EXTL3: variants seen among roughly 807,000 people sequenced by gnomAD.
The protein encoded by EXTL3 is exostosin-like 3.
A neutral mutation model predicts 69.3 loss-of-function variants in EXTL3; 27 were observed. That is an observed-to-expected ratio of 0.39 (90% confidence interval 0.29 to 0.54). The LOEUF (loss-of-function observed/expected upper bound fraction) is 0.54, where lower values mean the gene tolerates loss of function less well. EXTL3 is among the 20% of genes least tolerant of loss of function. The pLI, the probability that EXTL3 is intolerant of heterozygous loss-of-function variation, is 0.69. For synonymous variants in EXTL3, 511 were observed against 499.4 expected, an observed-to-expected ratio of 1.02 and a Z score of -0.31; for missense variants, 1,003 against 1,231.8, an observed-to-expected ratio of 0.81 and a Z score of 2.78.
chr8:28,748,939 G>A (rs1357441042), intron 6 of EXTL3, among the ~76,000 whole-genome samples: 1 of 151,888 alleles, frequency 6.6e-6, no homozygotes, highest in African/African-American at 2.4e-5. Flanking sequence ...GGAGTCCCCA[G>A]GGAAAAAACA....
intron 1 of EXTL3, chr8:28,637,362 C>A (rs916936102): frequency 1.3e-5 from 2 of 152,274 alleles, no homozygotes; most frequent in Admixed American, 1.3e-4. Flanking sequence ...AGCAAAGAGC[C>A]AGCCCGCTAC....
chr8:28,610,215 ATGTGTG>A (rs367793242), intron 2 of EXTL3, among the ~76,000 whole-genome samples: 8 of 149,330 alleles, frequency 5.4e-5, no homozygotes, highest in South Asian at 2.1e-4. Flanking sequence ...AAATATGTAT[ATGTGTG>A]TGTGTGTGTG....
chr8:28,645,557 G>A (rs531174156), intron 1 of EXTL3, among the ~76,000 whole-genome samples: 1 of 152,294 alleles, frequency 6.6e-6, no homozygotes, highest in Non-Finnish European at 1.5e-5. Flanking sequence ...GGATGGTCAC[G>A]AAGAATGTAT....
intron 1 of EXTL3, among the ~76,000 whole-genome samples, chr8:28,707,016 A>G (rs1800937849): frequency 6.6e-6 from 1 of 152,160 alleles, no homozygotes; most frequent in Admixed American, 6.5e-5. Context: ...TAACTCTTGA[A>G]TCCACCTGGA....
upstream of EXTL3, among the ~76,000 whole-genome samples, chr8:28,619,401 C>A (rs1806377117): frequency 6.7e-6 from 1 of 149,478 alleles, no homozygotes; most frequent in Non-Finnish European, 1.5e-5. Flanking sequence ...AGGGTGTTTT[C>A]CTCCCGCCTG....
chr8:28,715,952 A>G lies in EXTL3; in HGVS notation c.-108A>G. 1 of 887,132 alleles carries G rather than the reference A, an allele frequency of 1.1e-6. No individual in the cohort carries two copies. Among genetic ancestry groups the G allele is most frequent in the Non-Finnish European group, 1.8e-6 (1 of 569,476 alleles). The allele number at this position is 887,132 out of a possible 1,614,324, so 55.0% of individuals were successfully genotyped here. A position where few individuals can be genotyped will look rare whatever the true frequency, so the allele number is the denominator to read the frequency against. ...TGGTGCCTTGTCTGGGGAGCACACT[A>G]ACTCTTCTGGAAACGTGTCAGTGAA... On this transcript the variant is annotated 5_prime_UTR_variant, in exon 3 of 7. Transcript: ENST00000220562.
chr8:28,620,320 C>CATG (rs1418425426), upstream of EXTL3, among the ~76,000 whole-genome samples: 1 of 152,172 alleles, frequency 6.6e-6, no homozygotes, highest in Non-Finnish European at 1.5e-5. Context: ...CTTCTCATTT[C>CATG]ACCCCTGTGG....
intron 1 of EXTL3, among the ~76,000 whole-genome samples, chr8:28,671,854 A>C (rs1187834908): frequency 6.6e-6 from 1 of 152,070 alleles, no homozygotes; most frequent in Non-Finnish European, 1.5e-5. Flanking sequence ...CCTTGCAGTG[A>C]TTTTTTCAGA....
intron 1 of EXTL3, among the ~76,000 whole-genome samples, chr8:28,706,059 A>C (rs909796714): frequency 6.6e-6 from 1 of 152,266 alleles, no homozygotes; most frequent in Non-Finnish European, 1.5e-5. Context: ...TTTTCATTTT[A>C]TTTAAAACCA....
At chr8:28,745,517 A>AG (rs993279638) in intron 6 of EXTL3, among the ~76,000 whole-genome samples, 1 of 152,238 alleles carries the variant, frequency 6.6e-6, no homozygotes, top group Non-Finnish European at 1.5e-5. Context: ...ACTTTGAGGT[A>AG]GGGAGGCAAA....
chr8:28,632,391 A>G (rs1300773674), intron 1 of EXTL3, among the ~76,000 whole-genome samples: 4 of 152,044 alleles, frequency 2.6e-5, no homozygotes, highest in African/African-American at 9.7e-5. Flanking sequence ...GTGAAACTTC[A>G]TTTCAAAAAA....
intron 2 of EXTL3, among the ~76,000 whole-genome samples, chr8:28,614,116 C>T (rs1023357220): frequency 4.6e-5 from 7 of 152,030 alleles, no homozygotes; most frequent in Non-Finnish European, 1.0e-4. Flanking sequence ...AGGCATGAGT[C>T]ATCGAACCCA....
intron 5 of EXTL3, 183 bp from the exon 6 acceptor site, chr8:28,742,903 C>A: frequency 1.5e-6 from 1 of 680,542 alleles, no homozygotes. Flanking sequence ...TGGGATAATT[C>A]CTCACTGCAG....
chr8:28,687,224 G>C (rs1045230973), intron 1 of EXTL3, among the ~76,000 whole-genome samples: 3 of 152,234 alleles, frequency 2.0e-5, no homozygotes, highest in African/African-American at 7.2e-5. Flanking sequence ...CCAGCACTTT[G>C]GGAGGCCAAG....
upstream of EXTL3, chr8:28,701,196 C>T (rs1472754332): frequency 1.3e-5 from 2 of 152,174 alleles, no homozygotes; most frequent in Non-Finnish European, 2.9e-5. Flanking sequence ...GGAGTCAGAC[C>T]CGGTTCCCAC....
chr8:28,645,430 TAAAA>T (rs1806812619), intron 1 of EXTL3, among the ~76,000 whole-genome samples: 1 of 152,192 alleles, frequency 6.6e-6, no homozygotes, highest in African/African-American at 2.4e-5. Context: ...ATTCCTCTGT[TAAAA>T]ATAATATATA....
chr8:28,750,140 T>C lies in EXTL3; in HGVS notation c.2551-517T>C, dbSNP rs1801973041. ...ACTTTTTTAGTTAGACATTTTCTAA[T>C]TAATAATAATATGACTAGACTGTAG... is the stretch of plus-strand genomic sequence containing the variant. On this transcript the variant is annotated intron_variant, in intron 6 of 6. Transcript: ENST00000220562. This position sits in a 1 kb window ranked among gnomAD's most constrained non-coding sequence, Gnocchi z 5.2. Among the ~76,000 whole-genome samples the C allele has an allele frequency of 6.6e-6, 1 of 152,230 alleles. No homozygotes were observed. The highest frequency in any genetic ancestry group is 2.4e-5 in the African/African-American group (1 of 41,460).
At chr8:28,731,655 C>G (rs551947508) in intron 4 of EXTL3, among the ~76,000 whole-genome samples, 1 of 152,082 alleles carries the variant, frequency 6.6e-6, no homozygotes, top group Non-Finnish European at 1.5e-5. Context: ...ATCCTTAAAT[C>G]CAAACCACAT....
intron 1 of EXTL3, among the ~76,000 whole-genome samples, chr8:28,626,806 T>C (rs1370013939): frequency 1.3e-5 from 2 of 152,182 alleles, no homozygotes; most frequent in Non-Finnish European, 2.9e-5. Context: ...GGGACAGCCC[T>C]TCCAGGTAAA....
Sources: gnomAD v4.1 joint callset for allele counts (sites outside exome capture counted in the v4.1 genomes callset) on GRCh38, gnomAD v4.1.1 for gene constraint, Gnocchi (gnomAD v3.1) non-coding constraint, MANE v1.5 for transcripts, NCBI Gene and HGNC (gene_info 2026-07-23, HGNC 2026-07-21) for gene names.